Variants in COG7 observed in about 807,000 individuals in gnomAD.
COG7 encodes the protein conserved oligomeric Golgi complex subunit 7.
COG7 carries 49 observed loss-of-function variants against 91.5 expected under a neutral mutation model. The ratio of observed to expected loss-of-function variants is 0.54; its 90% CI spans 0.43 to 0.68. The LOEUF is 0.68. COG7 is among the 30% of genes least tolerant of loss of function. COG7 has a pLI of 0.00. For missense variants in COG7, 895 were observed against 961.3 expected (o/e 0.93, Z 0.91); for synonymous variants, 365 against 388.7 (o/e 0.94, Z 0.72).
chr16:23,402,747 TAA>T (rs1299779811), intron 13 of COG7, among the ~76,000 whole-genome samples: 1 of 152,196 alleles, frequency 6.6e-6, no homozygotes, highest in Non-Finnish European at 1.5e-5. Flanking sequence ...AGAAAAATCA[TAA>T]AGAGTGAAAA....
intron 15 of COG7, 144 bp from the exon 16 acceptor site, chr16:23,392,667 T>G (rs940081850): frequency 1.1e-6 from 1 of 936,108 alleles, no homozygotes; most frequent in African/African-American, 1.6e-5. Flanking sequence ...CAGTGGCTCA[T>G]GCCTGTAATC....
At chr16:23,406,529 G>A (rs1326112598) in intron 11 of COG7, among the ~76,000 whole-genome samples, 1 of 152,212 alleles carries the variant, frequency 6.6e-6, no homozygotes, top group Admixed American at 6.5e-5. Flanking sequence ...ATGACCGACA[G>A]CCTACATAGG....
At chr16:23,448,894 G>A (rs559163320) in intron 1 of COG7, among the ~76,000 whole-genome samples, 32 of 152,268 alleles carry the variant, frequency 2.1e-4, no homozygotes, top group Admixed American at 1.6e-3. Flanking sequence ...TAACTGTCAG[G>A]TTTAAATTAG....
At chr16:23,393,461 G>A in intron 14 of COG7, 114 bp from the exon 15 acceptor site, 1 of 759,968 alleles carries the variant, frequency 1.3e-6, no homozygotes, top group East Asian at 2.7e-5. Flanking sequence ...GACCTCGGGT[G>A]ATCCCAAGTC....
In COG7 at chr16:23,442,662, T is replaced by C. The variant is rs746089555; in HGVS notation, c.436-17A>G. 6 of 1,604,650 alleles carry C rather than the reference T, an allele frequency of 3.7e-6. No individual in the cohort carries two copies. In the African/African-American group the frequency reaches 6.7e-5, roughly 18 times the overall value. On this transcript the variant is annotated splice_polypyrimidine_tract_variant and intron_variant, in intron 3 of 16. Coordinates refer to ENST00000307149, the MANE Select transcript of COG7 (RefSeq NM_153603.4). ...AGCTATGTCCTAGAAAAGACCAGAA[T>C]AGAGAATATTTATTTTAAATGATCC...
At chr16:23,438,422 G>A (rs565372033) in intron 4 of COG7, among the ~76,000 whole-genome samples, 2 of 152,248 alleles carry the variant, frequency 1.3e-5, no homozygotes, top group South Asian at 2.1e-4. Flanking sequence ...GCTGGGCGTG[G>A]TAGTGCACAC....
chr16:23,452,688 T>A, intron 1 of COG7, 138 bp downstream of exon 1: 10 of 1,456,960 alleles, frequency 6.9e-6, no homozygotes, highest in Non-Finnish European at 9.1e-6. Flanking sequence ...TGATCAGGAG[T>A]TCGGGGCTTG....
chr16:23,399,023 C>T (rs1481539259), intron 13 of COG7, among the ~76,000 whole-genome samples: 3 of 152,142 alleles, frequency 2.0e-5, no homozygotes, highest in African/African-American at 7.2e-5. Flanking sequence ...CCCTGGAAAA[C>T]AAGGCCCTTT....
chr16:23,402,276 G>C (rs1450120680), intron 13 of COG7, among the ~76,000 whole-genome samples: 4 of 151,970 alleles, frequency 2.6e-5, no homozygotes, highest in African/African-American at 7.2e-5. Flanking sequence ...AGAGATGTCT[G>C]GGTTGCTGGA....
intron 12 of COG7, among the ~76,000 whole-genome samples, chr16:23,404,187 G>T (rs540777777): frequency 4.6e-5 from 7 of 152,332 alleles, no homozygotes; most frequent in African/African-American, 1.4e-4. Flanking sequence ...TGGGAAAGAG[G>T]GGGGAAACAA....
chr16:23,428,945 G>A lies in COG7; in HGVS notation c.811-3998C>T, dbSNP rs192290210. Among the ~76,000 whole-genome samples, 775 of 151,538 alleles carry A rather than the reference G, an allele frequency of 5.1e-3. 5 individuals carry two copies. Among genetic ancestry groups the A allele is most frequent in the African/African-American group, 0.018 (745 of 41,306 alleles). The stretch of plus-strand genomic sequence containing the variant: ...TGACCTCAGGTGATCCGCCCACCTC[G>A]GCCTCCCAAAGTGCTGGGATTACAG... On this transcript the variant is annotated intron_variant, in intron 6 of 16. Transcript: ENST00000307149.
At chr16:23,424,231 A>AGGTTGTG (rs145217052) in intron 7 of COG7, among the ~76,000 whole-genome samples, 1,432 of 132,592 alleles carry the variant, frequency 0.011, 19 homozygotes, top group African/African-American at 0.039. Context: ...TAGGAGGTGG[A>AGGTTGTG]GGTTGTGGTG....
intron 11 of COG7, among the ~76,000 whole-genome samples, chr16:23,409,726 G>T (rs535916761): frequency 3.9e-5 from 6 of 152,300 alleles, no homozygotes; most frequent in African/African-American, 1.4e-4. Context: ...TCTGAGGAAG[G>T]CCACCTCAGG....
At chr16:23,428,675 A>G (rs1248939644) in intron 6 of COG7, among the ~76,000 whole-genome samples, 1 of 151,504 alleles carries the variant, frequency 6.6e-6, no homozygotes, top group Non-Finnish European at 1.5e-5. Context: ...ACTTTGAGCA[A>G]TGTGGTTGTT....
rs564749698 is a variant in COG7, at chr16:23,422,975, G to A, written c.1009+1774C>T. Among the ~76,000 whole-genome samples, 71 of 150,552 alleles carry A rather than the reference G, an allele frequency of 4.7e-4. 1 individual carries two copies. The highest frequency in any genetic ancestry group is 8.6e-4 in the Admixed American group (13 of 15,046). ...CAGGAGAATTGCTTGAACCTGGGAG[G>A]CAGAGGTTGCAGTGAGCCAAGATCA... On this transcript the variant is annotated intron_variant, in intron 7 of 16. Transcript: ENST00000307149.
At chr16:23,437,862 G>A (rs1278551263) in intron 4 of COG7, among the ~76,000 whole-genome samples, 1 of 152,136 alleles carries the variant, frequency 6.6e-6, no homozygotes, top group East Asian at 1.9e-4. Flanking sequence ...TGAGGCGGGT[G>A]GATCACGAGG....
chr16:23,389,311 A>G (rs1187356073), intron 16 of COG7, among the ~76,000 whole-genome samples: 2 of 151,974 alleles, frequency 1.3e-5, no homozygotes, highest in Non-Finnish European at 2.9e-5. Flanking sequence ...CTAATTTAAT[A>G]AAGAACTAAC....
chr16:23,420,358 AC>A (rs1007236498), intron 7 of COG7, among the ~76,000 whole-genome samples: 1 of 152,220 alleles, frequency 6.6e-6, no homozygotes, highest in African/African-American at 2.4e-5. Context: ...CACAGTCTCA[AC>A]AGGGGATTAG....
At chr16:23,437,643 A>G (rs1236423647) in intron 4 of COG7, among the ~76,000 whole-genome samples, 1 of 151,872 alleles carries the variant, frequency 6.6e-6, no homozygotes, top group Non-Finnish European at 1.5e-5. Context: ...GCGCTCTTAA[A>G]CAAGGAGGGG....
Sources: gnomAD v4.1 joint callset for allele counts (sites outside exome capture counted in the v4.1 genomes callset) on GRCh38, gnomAD v4.1.1 for gene constraint, MANE v1.5 for transcripts, NCBI Gene and HGNC (gene_info 2026-07-23, HGNC 2026-07-21) for gene names.